The following PCSK2 variants were observed in gnomAD, a reference collection of about 807,000 sequenced individuals.
PCSK2 encodes neuroendocrine convertase 2.
In PCSK2, 14 loss-of-function variants were observed where a neutral mutation model predicts 69.7. That is an observed-to-expected ratio of 0.20 (90% CI 0.13 to 0.31). The LOEUF is 0.31. Among genes scored for constraint, PCSK2 ranks in the 10% least tolerant of loss-of-function variants. PCSK2 has a pLI of 1.00. For synonymous variants in PCSK2, 307 were observed against 320.7 expected (o/e 0.96, Z 0.46); for missense variants, 544 against 842.5 (o/e 0.65, Z 4.39).
At chr20:17,467,736 G>C (rs138408649) in intron 11 of PCSK2, among the ~76,000 whole-genome samples, 105 of 152,270 alleles carry the variant, frequency 6.9e-4, no homozygotes, top group African/African-American at 2.4e-3. Context: ...GTAAAACGGA[G>C]CTAATGTTTT....
Position 17,273,101 on chromosome 20 carries a change from C to T in PCSK2, c.282+12757C>T, listed in dbSNP as rs540141090. 1.7e-4 allele frequency among the ~76,000 whole-genome samples: 26 copies of T among 152,128 alleles called. 1 individual carries two copies. Among genetic ancestry groups the T allele is most frequent in the Non-Finnish European group, 3.2e-4 (22 of 68,008 alleles). On this transcript the variant is annotated intron_variant, in intron 2 of 11. Coordinates refer to ENST00000262545, the MANE Select transcript of PCSK2 (RefSeq NM_002594.5). The stretch of plus-strand genomic sequence containing the variant: ...TTAATTTCAAGGGTGCCAGGTGACA[C>T]TCAAGTGTAGACCAAACCAAATTTT...
At chr20:17,263,197 A>G in intron 2 of PCSK2, 5 of 899,002 alleles carry the variant, frequency 5.6e-6, no homozygotes, top group Non-Finnish European at 6.7e-6. Flanking sequence ...AGAAATTTCA[A>G]TGATGTTTGC....
At chr20:17,245,853 G>A (rs1052774546) in intron 1 of PCSK2, among the ~76,000 whole-genome samples, 6 of 152,088 alleles carry the variant, frequency 3.9e-5, no homozygotes, top group African/African-American at 7.2e-5. Flanking sequence ...GGAGGAGCAC[G>A]TACCCTCCAG....
chr20:17,245,943 T>G (rs993931497), intron 1 of PCSK2, among the ~76,000 whole-genome samples: 2 of 152,164 alleles, frequency 1.3e-5, no homozygotes, highest in African/African-American at 4.8e-5. Flanking sequence ...CCCAATATAT[T>G]AAATGTCTTA....
At chr20:17,317,556 C>CGT (rs1989727124) in intron 2 of PCSK2, among the ~76,000 whole-genome samples, 1 of 152,156 alleles carries the variant, frequency 6.6e-6, no homozygotes, top group Admixed American at 6.5e-5. Flanking sequence ...ATTTATTAGA[C>CGT]GTGTTTTTCT....
chr20:17,303,465 T>TAAA lies in PCSK2; in HGVS notation c.282+43122_282+43123insAAA, dbSNP rs1568593397. Among the ~76,000 whole-genome samples the TAAA allele has an allele frequency of 5.6e-5, 3 of 53,912 alleles. No homozygotes were observed. The East Asian group carries it at 9.1e-4, about 16-fold the overall frequency. The allele number at this position is 53,912 out of a possible 152,430, so 35.4% of individuals were successfully genotyped here. On this transcript the variant is annotated intron_variant, in intron 2 of 11. Coordinates refer to ENST00000262545, the MANE Select transcript of PCSK2 (RefSeq NM_002594.5). ...ATAATATATATTATATTAAATATAA[T>TAAA]ATATATTATATATAATATATATTAT...
chr20:17,455,014 AG>A (rs1410768031), intron 9 of PCSK2, among the ~76,000 whole-genome samples: 1 of 152,146 alleles, frequency 6.6e-6, no homozygotes, highest in Non-Finnish European at 1.5e-5. Flanking sequence ...CCCAAACAGA[AG>A]GGGGCTTTGA....
At chr20:17,237,125 G>A (rs1986371511) in intron 1 of PCSK2, among the ~76,000 whole-genome samples, 1 of 152,140 alleles carries the variant, frequency 6.6e-6, no homozygotes, top group South Asian at 2.1e-4. Flanking sequence ...CCAAATAATA[G>A]AGTGTCAATG....
At chr20:17,250,422 A>G (rs1344715352) in intron 1 of PCSK2, among the ~76,000 whole-genome samples, 1 of 152,196 alleles carries the variant, frequency 6.6e-6, no homozygotes, top group Non-Finnish European at 1.5e-5. Flanking sequence ...TTCTTAGTGC[A>G]TCATAGCATG....
intron 5 of PCSK2, among the ~76,000 whole-genome samples, chr20:17,384,620 T>A (rs2031184615): frequency 6.6e-6 from 1 of 150,856 alleles, no homozygotes; most frequent in African/African-American, 2.4e-5. Context: ...CAATCAACAA[T>A]TTGAGTCTTA....
chr20:17,309,162 T>A (rs183287001), intron 2 of PCSK2, among the ~76,000 whole-genome samples: 1 of 152,280 alleles, frequency 6.6e-6, no homozygotes, highest in African/African-American at 2.4e-5. Flanking sequence ...TCTGTACTGA[T>A]GAAGCCATGG....
In PCSK2 at chr20:17,275,305, C is replaced by T. The variant is rs190343958; in HGVS notation, c.282+14961C>T. ...AGTGATATCAGCAGGTAACAGCATA[C>T]GTAGTGAGAGGAGAATCAAAGGAAG... On this transcript the variant is annotated intron_variant, in intron 2 of 11. Transcript: ENST00000262545. Among the ~76,000 whole-genome samples, 32 of 151,942 alleles carry T rather than the reference C, an allele frequency of 2.1e-4. No homozygotes were observed. In the East Asian group the frequency reaches 5.8e-3, roughly 28 times the overall value.
chr20:17,341,301 C>A (rs79682692), intron 2 of PCSK2, among the ~76,000 whole-genome samples: 3 of 152,158 alleles, frequency 2.0e-5, no homozygotes, highest in African/African-American at 7.2e-5. Context: ...ACCCTTACTG[C>A]ATATTTCTCT....
chr20:17,236,895 G>T (rs1218651913), intron 1 of PCSK2, among the ~76,000 whole-genome samples: 1 of 152,138 alleles, frequency 6.6e-6, no homozygotes, highest in African/African-American at 2.4e-5. Context: ...ATGTTCAGAG[G>T]GAAGGAAGAG....
At position 17,327,082 on chromosome 20, in the gene PCSK2, G is replaced by A. The variant is rs934185200; in HGVS notation, c.283-31245G>A. Among the ~76,000 whole-genome samples, 12 of 152,148 alleles carry A rather than the reference G, an allele frequency of 7.9e-5. 1 individual carries two copies. Among genetic ancestry groups the A allele is most frequent in the South Asian group, 4.1e-4 (2 of 4,832 alleles). On this transcript the variant is annotated intron_variant, in intron 2 of 11. Transcript: ENST00000262545. The stretch of plus-strand genomic sequence containing the variant: ...TAGACCCAACTCCAAGCTTCTATAC[G>A]TTTGCAGTAACACAATGTAAACAGG...
At chr20:17,480,931 G>A (rs1180056207) in intron 11 of PCSK2, among the ~76,000 whole-genome samples, 2 of 152,188 alleles carry the variant, frequency 1.3e-5, no homozygotes, top group Non-Finnish European at 2.9e-5. Flanking sequence ...GAAGCCCAGG[G>A]GGAACACGGG....
intron 11 of PCSK2, among the ~76,000 whole-genome samples, chr20:17,475,549 G>A (rs907284695): frequency 6.6e-6 from 1 of 151,666 alleles, no homozygotes; most frequent in African/African-American, 2.4e-5. Flanking sequence ...CTTATTTCTA[G>A]CAAAAGTGGC....
chr20:17,478,746 A>G (rs1350664917), intron 11 of PCSK2, among the ~76,000 whole-genome samples: 3 of 152,210 alleles, frequency 2.0e-5, no homozygotes, highest in Non-Finnish European at 4.4e-5. Context: ...TCTCTAGCTG[A>G]AAGAGAATTT....
At chr20:17,299,121 T>C (rs1324607228) in intron 2 of PCSK2, among the ~76,000 whole-genome samples, 1 of 152,234 alleles carries the variant, frequency 6.6e-6, no homozygotes, top group Non-Finnish European at 1.5e-5. Context: ...CTTCACTTTT[T>C]TGCTAGAAAG....
Sources: gnomAD v4.1 joint callset for allele counts (sites outside exome capture counted in the v4.1 genomes callset) on GRCh38, gnomAD v4.1.1 for gene constraint, MANE v1.5 for transcripts, NCBI Gene and HGNC (gene_info 2026-07-23, HGNC 2026-07-21) for gene names.